The following CA10 variants were observed in gnomAD, a reference collection of about 807,000 sequenced individuals.
The protein encoded by CA10 is carbonic anhydrase-related protein 10.
A neutral mutation model predicts 44.2 loss-of-function variants in CA10; 14 were observed. The ratio of observed to expected loss-of-function variants is 0.32; its 90% CI spans 0.21 to 0.50. The LOEUF (loss-of-function observed/expected upper bound fraction) is 0.50, where lower values mean the gene tolerates loss of function less well. Among genes scored for constraint, CA10 ranks in the 20% least tolerant of loss-of-function variants. The pLI, the probability that CA10 is intolerant of heterozygous loss-of-function variation, is 0.99. For missense variants in CA10, 350 were observed against 409.7 expected (o/e 0.85, Z 1.26); for synonymous variants, 159 against 141.6 (o/e 1.12, Z -0.87).
intron 2 of CA10, among the ~76,000 whole-genome samples, chr17:52,049,812 A>C (rs2970020): frequency 0.12 from 18,406 of 152,164 alleles, 1,183 homozygotes; most frequent in South Asian, 0.23. Flanking sequence ...TAGATGTTTC[A>C]GTCAGTGGTG....
At chr17:52,158,984 C>T (rs1204218130), upstream of CA10, among the ~76,000 whole-genome samples, 1 of 152,132 alleles carries the variant, frequency 6.6e-6, no homozygotes, top group Admixed American at 6.5e-5. Context: ...CCTTGGCCGC[C>T]GCCTCGGCCC....
At chr17:51,648,208 A>C (rs17622503) in intron 6 of CA10, among the ~76,000 whole-genome samples, 21,371 of 152,106 alleles carry the variant, frequency 0.14, 1,914 homozygotes, top group Admixed American at 0.19. Context: ...TTGGAGAGAG[A>C]AGCAGCAGAC....
At position 51,715,072 on chromosome 17, in the gene CA10, C is replaced by T. The variant is rs375305910; in HGVS notation, c.465+32561G>A. 6.6e-5 allele frequency among the ~76,000 whole-genome samples: 10 copies of T among 152,042 alleles called. No homozygotes were observed. The South Asian group carries it at 8.3e-4, about 13-fold the overall frequency. ...ATGAGTTCATGTCTTTGTAGGGACA[C>T]GGATGAAACTGGAAACCATCATTCT... On this transcript the variant is annotated intron_variant, in intron 4 of 8. Transcript: ENST00000451037.
chr17:52,155,228 C>G (rs375563046), intron 1 of CA10, among the ~76,000 whole-genome samples: 11 of 152,266 alleles, frequency 7.2e-5, no homozygotes, highest in African/African-American at 2.6e-4. Context: ...ACTTAGTGGT[C>G]AGGAAAATTC....
chr17:52,006,738 C>A (rs1985612451), intron 2 of CA10, among the ~76,000 whole-genome samples: 1 of 151,870 alleles, frequency 6.6e-6, no homozygotes, highest in Non-Finnish European at 1.5e-5. Context: ...AAGGAAAAAT[C>A]TAGCTCATTC....
chr17:51,977,303 A>G (rs938443053), intron 2 of CA10, among the ~76,000 whole-genome samples: 1 of 151,980 alleles, frequency 6.6e-6, no homozygotes, highest in Non-Finnish European at 1.5e-5. Context: ...ATATTAGTAA[A>G]CAAAACCCAA....
At chr17:51,996,867 C>T (rs1985254888) in intron 2 of CA10, among the ~76,000 whole-genome samples, 1 of 152,026 alleles carries the variant, frequency 6.6e-6, no homozygotes, top group African/African-American at 2.4e-5. Flanking sequence ...CAGCCAAACA[C>T]AAAACAATCA....
In CA10 at chr17:52,005,852, C is replaced by G. The variant is rs186808467; in HGVS notation, c.136+66467G>C. Among the ~76,000 whole-genome samples the G allele has an allele frequency of 1.7e-3, 252 of 151,870 alleles. 1 individual carries two copies. The highest frequency in any genetic ancestry group is 3.1e-3 in the Non-Finnish European group (212 of 67,864). ...AATGGTGGGCCATAAACCAGATTTG[C>G]TTTCAACATCTGGTCATGGAAGGAG... On this transcript the variant is annotated intron_variant, in intron 2 of 8. Transcript: ENST00000451037.
intron 3 of CA10, among the ~76,000 whole-genome samples, chr17:51,799,229 AT>A (rs1381188855): frequency 1.3e-5 from 2 of 152,164 alleles, no homozygotes; most frequent in African/African-American, 4.8e-5. Context: ...TATATCAGTT[AT>A]TTAGTTCCTT....
chr17:52,013,416 A>G (rs77812154), intron 2 of CA10, among the ~76,000 whole-genome samples: 3,211 of 152,008 alleles, frequency 0.021, 108 homozygotes, highest in African/African-American at 0.071. Context: ...AAACCAGAAT[A>G]GACTGATAAA....
intron 4 of CA10, among the ~76,000 whole-genome samples, chr17:51,659,639 A>T (rs1367209801): frequency 6.6e-6 from 1 of 152,172 alleles, no homozygotes; most frequent in Non-Finnish European, 1.5e-5. Context: ...CATCATCACC[A>T]CTTTGGATGA....
intron 3 of CA10, among the ~76,000 whole-genome samples, chr17:51,788,025 A>T (rs1906361992): frequency 6.6e-6 from 1 of 151,810 alleles, no homozygotes; most frequent in African/African-American, 2.4e-5. Flanking sequence ...TTGCTTTTCT[A>T]GTTCTTTAAG....
Position 51,898,018 on chromosome 17 carries a change from T to C in CA10, c.279+32972A>G, listed in dbSNP as rs145153458. ...GAATCATATTGTCTGCAAACAGAGATAGTTGGACTTATGCTCTTCCTATTT... is the reference window on the plus strand; with the variant it reads ...GAATCATATTGTCTGCAAACAGAGACAGTTGGACTTATGCTCTTCCTATTT... On this transcript the variant is annotated intron_variant, in intron 3 of 8. Coordinates refer to ENST00000451037, the MANE Select transcript of CA10 (RefSeq NM_020178.5). Among the ~76,000 whole-genome samples, 189 of 152,198 alleles carry C rather than the reference T, an allele frequency of 1.2e-3. 4 individuals are homozygous for C. In the South Asian group the frequency reaches 0.022, roughly 18 times the overall value.
intron 2 of CA10, among the ~76,000 whole-genome samples, chr17:51,994,257 T>A (rs900549058): frequency 5.1e-5 from 2 of 38,992 alleles, no homozygotes; most frequent in Non-Finnish European, 1.1e-4. Context: ...ATCCAAGAGT[T>A]TTTTTCCCCC....
At chr17:51,983,830 T>C (rs1000866576) in intron 2 of CA10, among the ~76,000 whole-genome samples, 2 of 151,748 alleles carry the variant, frequency 1.3e-5, no homozygotes, top group African/African-American at 4.8e-5. Context: ...TTTAAAATCC[T>C]ATGCCAACAA....
chr17:52,021,332 G>A (rs941965680), intron 2 of CA10, among the ~76,000 whole-genome samples: 1 of 152,068 alleles, frequency 6.6e-6, no homozygotes, highest in Non-Finnish European at 1.5e-5. Context: ...ACCCAGCAAT[G>A]GGATTGCTTG....
intron 3 of CA10, among the ~76,000 whole-genome samples, chr17:51,921,990 A>C (rs560373121): frequency 6.6e-6 from 1 of 152,300 alleles, no homozygotes; most frequent in Non-Finnish European, 1.5e-5. Context: ...TAATGCAAAC[A>C]TTAGTTTCTC....
intron 3 of CA10, among the ~76,000 whole-genome samples, chr17:51,874,950 G>GTTTTT (rs1302770602): frequency 8.4e-4 from 5 of 5,942 alleles, no homozygotes; most frequent in Admixed American, 5.5e-3. Context: ...TTTTTCTTCT[G>GTTTTT]TTTTTTTTTC....
intron 2 of CA10, among the ~76,000 whole-genome samples, chr17:52,042,587 GA>G (rs548524523): frequency 3.6e-4 from 54 of 151,708 alleles, no homozygotes; most frequent in African/African-American, 1.2e-3. Context: ...TTGTTGTTCA[GA>G]AGATTTTAGT....
Sources: gnomAD v4.1 joint callset for allele counts (sites outside exome capture counted in the v4.1 genomes callset) on GRCh38, gnomAD v4.1.1 for gene constraint, MANE v1.5 for transcripts, NCBI Gene and HGNC (gene_info 2026-07-23, HGNC 2026-07-21) for gene names.